Variants in ANKFN1 observed in about 807,000 individuals in gnomAD.
ANKFN1 encodes the protein ankyrin repeat and fibronectin type-III domain-containing protein 1.
ANKFN1 carries 74 observed loss-of-function variants against 108.7 expected under a neutral mutation model. That is an observed-to-expected ratio of 0.68 (90% CI 0.56 to 0.83). The LOEUF (loss-of-function observed/expected upper bound fraction) is 0.83, where lower values mean the gene tolerates loss of function less well. Among genes scored for constraint, ANKFN1 ranks in the 40% least tolerant of loss-of-function variants. ANKFN1 has a pLI of 0.00. For missense variants in ANKFN1, 1,505 were observed against 1,382.3 expected, an observed-to-expected ratio of 1.09 and a Z score of -1.41; for synonymous variants, 547 against 516.2, an observed-to-expected ratio of 1.06 and a Z score of -0.81.
intron 3 of ANKFN1, among the ~76,000 whole-genome samples, chr17:56,311,374 G>A (rs1351968389): frequency 6.6e-6 from 1 of 152,128 alleles, no homozygotes; most frequent in Non-Finnish European, 1.5e-5. Context: ...GAGTATAAGG[G>A]ACTCATCAAG....
chr17:56,099,920 C>G (rs1322073123), intron 4 of ANKFN1, among the ~76,000 whole-genome samples: 1 of 152,162 alleles, frequency 6.6e-6, no homozygotes, highest in Non-Finnish European at 1.5e-5. Context: ...AGTCACTTCA[C>G]CCTTCTGGTT....
rs749738594 is a variant in ANKFN1 at position 56,492,331 on chromosome 17, A to G, written c.2405A>G (p.Gln802Arg). The change falls in exon 19 of 21, where the codon CAG (glutamine) becomes CGG (arginine). Residue 802 changes from glutamine to arginine, a missense_variant. Gln to Arg is a conservative substitution (Grantham distance 43). Transcript: ENST00000682825. ...GTTGCAGCTGCCAAACAAAGACACC[A>G]GCAAGTTTTAGATTTCATTCAGGTA... Reference protein sequence around the residue: ...SEVAAAKQRHQQVLDFIQQID... With the variant: ...SEVAAAKQRHRQVLDFIQQID... 1 of 702,428 alleles carries G rather than the reference A, an allele frequency of 1.4e-6. No individual in the cohort carries two copies. Among genetic ancestry groups the G allele is most frequent in the Admixed American group, 2.0e-5 (1 of 50,010 alleles). 43.5% of individuals were successfully genotyped at this position (702,428 alleles called of 1,614,324 possible).
At chr17:56,469,791 T>C (rs535904722) in intron 15 of ANKFN1, among the ~76,000 whole-genome samples, 133 of 151,852 alleles carry the variant, frequency 8.8e-4, no homozygotes, top group Non-Finnish European at 1.7e-3. Flanking sequence ...TTCTTTTTAT[T>C]TTTATTTTAC....
rs111567631 is a variant in ANKFN1, at chr17:56,456,692, G to A, written c.1208-169G>A. On this transcript the variant is annotated intron_variant, in intron 11 of 20. Transcript: ENST00000682825. ...ATTACCAGCGAGAGCCACCGTGCCC[G>A]GCTACAAGAGCTTCTTATAGGCATG... Among the ~76,000 whole-genome samples the A allele has an allele frequency of 3.8e-3, 581 of 151,946 alleles. 4 individuals carry two copies. Among genetic ancestry groups the A allele is most frequent in the Non-Finnish European group, 5.7e-3 (388 of 67,970 alleles).
intron 6 of ANKFN1, among the ~76,000 whole-genome samples, chr17:56,362,377 A>G (rs1184659293): frequency 6.6e-6 from 1 of 152,228 alleles, no homozygotes; most frequent in African/African-American, 2.4e-5. Context: ...ACATATGACT[A>G]TCAAACATTT....
At chr17:56,491,632 A>G (rs1248540980) in intron 18 of ANKFN1, among the ~76,000 whole-genome samples, 1 of 152,210 alleles carries the variant, frequency 6.6e-6, no homozygotes, top group Admixed American at 6.5e-5. Context: ...GGGGCCAAGA[A>G]GCGGAGAGGC....
chr17:56,193,989 G>T (rs1913257003), intron 1 of ANKFN1, among the ~76,000 whole-genome samples: 1 of 152,180 alleles, frequency 6.6e-6, no homozygotes, highest in Non-Finnish European at 1.5e-5. Flanking sequence ...CCTCACCAAA[G>T]AAGATATACA....
At chr17:56,282,970 G>T (rs79493717) in intron 3 of ANKFN1, among the ~76,000 whole-genome samples, 4,585 of 152,164 alleles carry the variant, frequency 0.03, 135 homozygotes, top group African/African-American at 0.071. Context: ...ATTTTATTTT[G>T]TATTTTAACT....
At chr17:56,401,003 T>C (rs2047744100) in intron 8 of ANKFN1, among the ~76,000 whole-genome samples, 1 of 152,222 alleles carries the variant, frequency 6.6e-6, no homozygotes, top group Non-Finnish European at 1.5e-5. Flanking sequence ...TATAGTGTAG[T>C]TTGAAATCAG....
intron 4 of ANKFN1, among the ~76,000 whole-genome samples, chr17:56,069,220 T>A (rs540768979): frequency 9.4e-4 from 143 of 152,332 alleles, no homozygotes; most frequent in Non-Finnish European, 7.9e-4. Context: ...AATAAAACTT[T>A]TTCCTGGCCT....
At position 56,107,620 on chromosome 17, in the gene ANKFN1, C is replaced by T. The variant is rs115368677; in HGVS notation, c.288+61295C>T. Among the ~76,000 whole-genome samples the T allele has an allele frequency of 2.1e-3, 326 of 152,172 alleles. 1 individual carries two copies. The highest frequency in any genetic ancestry group is 7.4e-3 in the African/African-American group (309 of 41,532). ...CCGCTAGTGTTCTCTCTTATCACACCTTTGAGCTAGTCATCCAGGGGGAAT... is the reference window on the plus strand; with the variant it reads ...CCGCTAGTGTTCTCTCTTATCACACTTTTGAGCTAGTCATCCAGGGGGAAT... On this transcript the variant is annotated intron_variant, in intron 4 of 12. Transcript: ENST00000635860.
At chr17:56,059,631 C>T (rs1904939875) in intron 4 of ANKFN1, among the ~76,000 whole-genome samples, 1 of 152,120 alleles carries the variant, frequency 6.6e-6, no homozygotes. Flanking sequence ...GGAAGGGATC[C>T]AGTTTCAGTT....
At chr17:56,501,467 G>A (rs1468558722) in intron 20 of ANKFN1, among the ~76,000 whole-genome samples, 2 of 151,654 alleles carry the variant, frequency 1.3e-5, no homozygotes, top group African/African-American at 4.9e-5. Context: ...ATGGTATCAT[G>A]ATGGCACTTG....
chr17:56,093,345 T>C (rs1227256903), intron 4 of ANKFN1, among the ~76,000 whole-genome samples: 1 of 151,314 alleles, frequency 6.6e-6, no homozygotes, highest in Non-Finnish European at 1.5e-5. Flanking sequence ...CAACTATGAC[T>C]GTGTGACCTT....
intron 20 of ANKFN1, among the ~76,000 whole-genome samples, chr17:56,508,518 TTCTTTATCC>T (rs2051643668): frequency 6.6e-6 from 1 of 152,218 alleles, no homozygotes; most frequent in Admixed American, 6.5e-5. Flanking sequence ...CTTGTGCTCT[TTCTTTATCC>T]TCTTTGTTTC....
At chr17:56,433,830 T>TA (rs531675598) in intron 8 of ANKFN1, among the ~76,000 whole-genome samples, 24,478 of 143,166 alleles carry the variant, frequency 0.17, 4,369 homozygotes, top group African/African-American at 0.46. Context: ...CCTATGGAAA[T>TA]AAAAAAAAAA....
At chr17:56,217,721 A>G (rs1915524744) in intron 2 of ANKFN1, among the ~76,000 whole-genome samples, 1 of 152,154 alleles carries the variant, frequency 6.6e-6, no homozygotes, top group Non-Finnish European at 1.5e-5. Context: ...CTCCCCTTCA[A>G]AGGCAAAGGA....
chr17:56,494,998 G>A (rs762360336), intron 19 of ANKFN1, among the ~76,000 whole-genome samples: 1 of 151,928 alleles, frequency 6.6e-6, no homozygotes, highest in Non-Finnish European at 1.5e-5. Context: ...CTTCTTTTAT[G>A]TCACACCATT....
chr17:56,416,402 T>C (rs1261664332), intron 8 of ANKFN1, among the ~76,000 whole-genome samples: 1 of 152,108 alleles, frequency 6.6e-6, no homozygotes, highest in African/African-American at 2.4e-5. Flanking sequence ...AAGATATGAA[T>C]AAGCATTTCT....
Sources: gnomAD v4.1 joint callset for allele counts (sites outside exome capture counted in the v4.1 genomes callset) on GRCh38, gnomAD v4.1.1 for gene constraint, MANE v1.5 for transcripts, NCBI Gene and HGNC (gene_info 2026-07-23, HGNC 2026-07-21) for gene names.